The following TTN variants were observed in gnomAD, a reference collection of about 807,000 sequenced individuals.
TTN encodes the protein titin, also known as connectin.
TTN carries 1,525 observed loss-of-function variants against 3,223.0 expected under a neutral mutation model. The observed-to-expected ratio is 0.47, with a 90% CI of 0.45 to 0.49. TTN has a LOEUF of 0.49. TTN is among the 20% of genes least tolerant of loss of function. The probability of loss-of-function intolerance (pLI) is 0.00; values close to 1 mark genes in which losing one functional copy is unlikely to be tolerated. For missense variants in TTN, 40,786 were observed against 43,424.0 expected (o/e 0.94, Z 5.40); for synonymous variants, 14,094 against 15,161.0 (o/e 0.93, Z 5.17).
In TTN at chr2:178,720,198, C is replaced by G; in HGVS notation, c.23444G>C (p.Arg7815Pro). The change falls in exon 81 of 363, where the codon CGG becomes CCG. Residue 7815 changes from arginine (R) to proline (P), a missense_variant. Coordinates refer to ENST00000589042, the MANE Select transcript of TTN (RefSeq NM_001267550.2). ...STLIGDAVEL[R>P]AIVEGFQPIS... Reference sequence around the variant, plus strand: ...TGGCTGGAAGCCCTCCACTATGGCCCGTAACTCAACAGCATCCCCAATAAG... The same window carrying G: ...TGGCTGGAAGCCCTCCACTATGGCCGGTAACTCAACAGCATCCCCAATAAG... The G allele has an allele frequency of 6.2e-7, 1 of 1,613,714 alleles. No individual in the cohort carries two copies. Among genetic ancestry groups the G allele is most frequent in the Non-Finnish European group, 8.5e-7 (1 of 1,179,716 alleles).
chr2:178,605,022 C>G lies in TTN; in HGVS notation c.54155G>C (p.Gly18052Ala). The G allele has an allele frequency of 1.9e-6, 3 of 1,604,794 alleles. No homozygotes were observed. Among genetic ancestry groups the G allele is most frequent in the Non-Finnish European group, 2.6e-6 (3 of 1,174,464 alleles). The change falls in exon 280 of 363, where the codon GGC becomes GCC. Residue 18052 changes from glycine to alanine, a missense_variant. Physicochemically the swap from Gly to Ala is moderately conservative, Grantham distance 60. Transcript: ENST00000589042. ...AACGTGAACATTTCGGAACACTGAG[C>G]CAAGGCGATTGGAAGCAGTAACTGT... ...TYTVTASNRL[G>A]SVFRNVHVEV...
chr2:178,759,479 A>T (rs952068040), intron 43 of TTN, among the ~76,000 whole-genome samples: 1 of 152,240 alleles, frequency 6.6e-6, no homozygotes, highest in Non-Finnish European at 1.5e-5. Context: ...AGCAGAGACA[A>T]GATTTTGACA....
At position 178,533,774 on chromosome 2, in the gene TTN, T is replaced by G. The variant is rs758945559; in HGVS notation, c.102841A>C (p.Ile34281Leu). 4.3e-6 allele frequency: 7 copies of G among 1,614,016 alleles called. No individual in the cohort carries two copies. Among genetic ancestry groups the G allele is most frequent in the Non-Finnish European group, 5.9e-6 (7 of 1,179,876 alleles). The part of the protein sequence containing the change: ...VGENVRFGVT[I>L]TVHPEPHVTW... Reference sequence around the variant, plus strand: ...ACATGAGGCTCTGGGTGGACAGTTATAGTTACTCCAAACCGGACATTTTCA... The same window carrying G: ...ACATGAGGCTCTGGGTGGACAGTTAGAGTTACTCCAAACCGGACATTTTCA... Residue 34281 changes from isoleucine (I) to leucine (L), a missense_variant, in exon 358 of 363, where the codon ATA (isoleucine) becomes CTA (leucine). Coordinates refer to ENST00000589042, the MANE Select transcript of TTN (RefSeq NM_001267550.2).
At position 178,566,012 on chromosome 2, in the gene TTN, G is replaced by A; in HGVS notation, c.80120C>T (p.Pro26707Leu). ...KDSAFLVWEPPIIDGGAKVKN... is the reference protein window; with the variant it reads ...KDSAFLVWEPLIIDGGAKVKN... Reference sequence around the variant, plus strand: ...GACCTTTGCCCCTCCATCAATGATGGGTGGCTCCCATACCAGGAAGGCAGA... The same window carrying A: ...GACCTTTGCCCCTCCATCAATGATGAGTGGCTCCCATACCAGGAAGGCAGA... The change falls in exon 326 of 363, where the codon CCC becomes CTC. Residue 26707 changes from proline (P) to leucine (L), a missense_variant. Transcript: ENST00000589042. The A allele has an allele frequency of 6.2e-7, 1 of 1,613,478 alleles. No individual in the cohort carries two copies. The highest frequency in any genetic ancestry group is 8.5e-7 in the Non-Finnish European group (1 of 1,179,612).
chr2:178,569,842 T>C lies in TTN; in HGVS notation c.76290A>G (p.Ile25430Met). The change falls in exon 326 of 363, where the codon ATA becomes ATG. Residue 25430 changes from isoleucine to methionine, a missense_variant. Transcript: ENST00000589042. ...CTTGAATTTCACAGCCACCATCATA[T>C]ATTGGTTTGCTCCAAGAAAGGAATA... ...SSVFLSWSKP[I>M]YDGGCEIQGY... is the part of the protein sequence containing the mutation. The C allele has an allele frequency of 6.2e-7, 1 of 1,613,516 alleles. No individual in the cohort carries two copies. Among genetic ancestry groups the C allele is most frequent in the Non-Finnish European group, 8.5e-7 (1 of 1,179,632 alleles).
intron 96 of TTN, among the ~76,000 whole-genome samples, chr2:178,711,698 G>A (rs894045674): frequency 6.6e-6 from 1 of 152,170 alleles, no homozygotes; most frequent in Non-Finnish European, 1.5e-5. Flanking sequence ...AAAATATATG[G>A]TCACTTTTTA....
rs754227553 is a variant in TTN at position 178,633,011 on chromosome 2, T to C, written c.43120A>G (p.Ile14374Val). Residue 14374 changes from isoleucine (I) to valine (V), a missense_variant, in exon 234 of 363, where the codon ATT (isoleucine) becomes GTT (valine). By Grantham distance (29) the Ile-to-Val change is conservative. Transcript: ENST00000589042. ...CEIIEDGKKH[I>V]LILHNCQLGM... ...AGCTGACAGTTATGAAGGATCAGAA[T>C]ATGCTTCTTTCCATCCTCAATGATT... 44 of 1,613,004 alleles carry C rather than the reference T, an allele frequency of 2.7e-5. No individual in the cohort carries two copies. The highest frequency in any genetic ancestry group is 3.5e-5 in the Non-Finnish European group (41 of 1,179,410).
At position 178,547,460 on chromosome 2, in the gene TTN, A is replaced by T. The variant is rs747608895; in HGVS notation, c.94166T>A (p.Phe31389Tyr). ...YSFRVSSENR[F>Y]GVSKPLESAP... ...TGATTCTAGAGGTTTGCTGACACCA[A>T]ATCTGTTCTCTGAACTGACACGGAA... The change falls in exon 339 of 363, where the codon TTT becomes TAT. Residue 31389 changes from phenylalanine to tyrosine, a missense_variant. Phe to Tyr is a conservative substitution (Grantham distance 22). Transcript: ENST00000589042. 1 of 1,611,988 alleles carries T rather than the reference A, an allele frequency of 6.2e-7. No homozygotes were observed. Among genetic ancestry groups the T allele is most frequent in the Admixed American group, 1.7e-5 (1 of 59,750 alleles).
chr2:178,636,645 C>A lies in TTN; in HGVS notation c.41082G>T (p.Leu13694Phe). The change falls in exon 225 of 363, where the codon TTG becomes TTT. Residue 13694 changes from leucine to phenylalanine, a missense_variant. Transcript: ENST00000589042. The surrounding 1 kb of genome is among the most constrained non-coding windows in gnomAD (Gnocchi z 4.3). ...KFVKEIKDII[L>F]TESEFVGSSA... ...AAGAGCCAACGAACTCTGATTCTGTCAAGATGATGTCTTTGATTTCTTTCA... is the reference window on the plus strand; with the variant it reads ...AAGAGCCAACGAACTCTGATTCTGTAAAGATGATGTCTTTGATTTCTTTCA... 6.2e-7 allele frequency: 1 copy of A among 1,613,352 alleles called. No homozygotes were observed. The highest frequency in any genetic ancestry group is 1.1e-5 in the South Asian group (1 of 91,066).
At chr2:178,777,074 A>C (rs745761594) in intron 27 of TTN, 25 bp from the exon 28 acceptor site, 1 of 1,613,972 alleles carries the variant, frequency 6.2e-7, no homozygotes, top group Non-Finnish European at 8.5e-7. Context: ...GGGAGGGAAT[A>C]ATCAATATAG....
At chr2:178,779,800 T>C in intron 22 of TTN, 200 bp downstream of exon 22, 2 of 594,656 alleles carry the variant, frequency 3.4e-6, no homozygotes, top group Non-Finnish European at 2.9e-6. Flanking sequence ...AAAGTCACAT[T>C]TATGGCCTAT....
At position 178,795,723 on chromosome 2, in the gene TTN, A is replaced by ATT. The variant is rs55978029; in HGVS notation, c.915-473_915-472dup. On this transcript the variant is annotated intron_variant, in intron 6 of 362. Transcript: ENST00000589042. Reference sequence around the variant, plus strand: ...CACTCTTGACTAAGCAGCTTAAGCCATTTTTTTTTTTCCCCTGCAGGACTT... The same window carrying ATT: ...CACTCTTGACTAAGCAGCTTAAGCCATTTTTTTTTTTTTCCCCTGCAGGACTT... 2.0e-3 allele frequency among the ~76,000 whole-genome samples: 298 copies of ATT among 146,736 alleles called. 7 individuals are homozygous for ATT. In the South Asian group the frequency reaches 0.026, roughly 13 times the overall value.
intron 263 of TTN, 112 bp from the exon 264 acceptor site, chr2:178,613,388 A>G: frequency 1.1e-6 from 1 of 926,436 alleles, no homozygotes. Flanking sequence ...GGTGATTTGG[A>G]AATTTAACTG....
intron 215 of TTN, 95 bp downstream of exon 215, chr2:178,646,969 T>C (rs377545915): frequency 1.4e-5 from 6 of 422,032 alleles, no homozygotes. Context: ...TTGTATATAA[T>C]TTCAAGAAGG....
intron 294 of TTN, among the ~76,000 whole-genome samples, chr2:178,596,636 A>G (rs968343209): frequency 6.6e-5 from 10 of 152,130 alleles, no homozygotes; most frequent in African/African-American, 2.2e-4. Context: ...AATAACCATT[A>G]GGCAAAAGAG....
chr2:178,758,998 T>C lies in TTN; in HGVS notation c.10289A>G (p.Asn3430Ser). The C allele has an allele frequency of 6.2e-7, 1 of 1,614,038 alleles. No individual in the cohort carries two copies. Among genetic ancestry groups the C allele is most frequent in the Non-Finnish European group, 8.5e-7 (1 of 1,179,932 alleles). The change falls in exon 44 of 363, where the codon AAC (asparagine) becomes AGC (serine). Residue 3430 changes from asparagine to serine, a missense_variant. By Grantham distance (46) the Asn-to-Ser change is conservative. Transcript: ENST00000589042. ...NAVGQVSSTA[N>S]LSLEGFSKFE... ...TTTTACTTTACCTTCCAGACTCAGG[T>C]TGGCTGTGCTTGATACTTGGCCTAC...
At position 178,653,026 on chromosome 2, in the gene TTN, G is replaced by C. The variant is rs1396389857; in HGVS notation, c.38875+15C>G. 3 of 1,611,264 alleles carry C rather than the reference G, an allele frequency of 1.9e-6. No homozygotes were observed. The highest frequency in any genetic ancestry group is 2.5e-6 in the Non-Finnish European group (3 of 1,178,690). ...AGAGTTCAGTCTTCTGAAGCCTAAA[G>C]CCAGTGACAAATACCTTTAACAGGT... On this transcript the variant is annotated intron_variant, in intron 199 of 362. Transcript: ENST00000589042.
At chr2:178,702,839 A>G (rs1348726866) in intron 106 of TTN, among the ~76,000 whole-genome samples, 176 bp from the exon 107 acceptor site, 4 of 152,260 alleles carry the variant, frequency 2.6e-5, no homozygotes, top group Non-Finnish European at 5.9e-5. Context: ...CTAACAAAAA[A>G]GTATCCCAAT....
At position 178,642,293 on chromosome 2, in the gene TTN, C is replaced by T. The variant is rs571348685; in HGVS notation, c.40502G>A (p.Arg13501His). Residue 13501 changes from arginine (R) to histidine (H), a missense_variant, in exon 219 of 363, where the codon CGC becomes CAC. By Grantham distance (29) the Arg-to-His change is conservative. Coordinates refer to ENST00000589042, the MANE Select transcript of TTN (RefSeq NM_001267550.2). ...LKVPGGEKKV[R>H]KLLPERKPEP... is the part of the protein sequence containing the mutation. ...AGGTTTACGTTCCGGAAGTAATTTG[C>T]GAACTTTCTTTTCACCTCCAGGCAC... The T allele has an allele frequency of 1.3e-4, 204 of 1,593,852 alleles. 4 individuals are homozygous for T. The South Asian group carries it at 1.7e-3, about 13-fold the overall frequency.
Sources: gnomAD v4.1 joint callset for allele counts (sites outside exome capture counted in the v4.1 genomes callset) on GRCh38, gnomAD v4.1.1 for gene constraint, Gnocchi (gnomAD v3.1) non-coding constraint, MANE v1.5 for transcripts, NCBI Gene and HGNC (gene_info 2026-07-23, HGNC 2026-07-21) for gene names.